SPATA1: variants seen among roughly 807,000 people sequenced by gnomAD.
SPATA1 encodes the protein spermatogenesis-associated protein 1.
Under a neutral mutation model 59.6 loss-of-function variants are expected in SPATA1, and 57 were observed. That is an observed-to-expected ratio of 0.96 (90% CI 0.77 to 1.19). The LOEUF is 1.19. SPATA1 is among the 50% of genes most tolerant of loss of function. SPATA1 has a pLI of 0.00. For missense variants in SPATA1, 448 were observed against 480.7 expected (o/e 0.93, Z 0.64); for synonymous variants, 147 against 163.9 (o/e 0.90, Z 0.79).
rs139518801 is a variant in SPATA1 at position 84,544,476 on chromosome 1, G to C, written c.820+172G>C. On this transcript the variant is annotated intron_variant, in intron 9 of 12. Coordinates refer to ENST00000490879, the Ensembl canonical transcript of SPATA1. ...AGTGTGAATGTTGTGCCACTGAACT[G>C]TACCATTTAAAAATATTTTAAATGG... Among the ~76,000 whole-genome samples, 30 of 152,208 alleles carry C rather than the reference G, an allele frequency of 2.0e-4. No homozygotes were observed. The East Asian group carries it at 3.3e-3, about 17-fold the overall frequency.
intron 11 of SPATA1, among the ~76,000 whole-genome samples, chr1:84,549,305 T>C (rs1324717922): frequency 6.6e-6 from 1 of 152,156 alleles, no homozygotes; most frequent in Non-Finnish European, 1.5e-5. Context: ...ATGGAATATA[T>C]AAATCTTTCC....
At chr1:84,564,562 A>G (rs1266317163) in intron 4 of SPATA1, among the ~76,000 whole-genome samples, 5 of 152,188 alleles carry the variant, frequency 3.3e-5, no homozygotes, top group Admixed American at 3.3e-4. Flanking sequence ...TATTTATGAT[A>G]CAAAGTATCC....
intron 10 of SPATA1, among the ~76,000 whole-genome samples, chr1:84,547,202 C>A (rs1162091769): frequency 6.6e-6 from 1 of 152,162 alleles, no homozygotes; most frequent in Non-Finnish European, 1.5e-5. Flanking sequence ...CAGATTTGAA[C>A]AATGGACTGA....
chr1:84,545,460 T>C (rs1055119558), intron 9 of SPATA1, among the ~76,000 whole-genome samples, 174 bp from the exon 10 acceptor site: 7 of 152,046 alleles, frequency 4.6e-5, no homozygotes, highest in Admixed American at 4.6e-4. Flanking sequence ...GAAACTGAAA[T>C]GACTCCTTTG....
chr1:84,538,325 T>C (rs1683781729), intron 8 of SPATA1, among the ~76,000 whole-genome samples: 2 of 152,240 alleles, frequency 1.3e-5, no homozygotes, highest in South Asian at 4.1e-4. Context: ...CAAATAGGAA[T>C]AGCAGTAGAC....
chr1:84,550,642 T>C (rs2102008276), intron 12 of SPATA1, 112 bp downstream of exon 12: 1 of 1,279,704 alleles, frequency 7.8e-7, no homozygotes, highest in Non-Finnish European at 9.9e-7. Context: ...ATTGACTGTA[T>C]TAAAATTGTT....
At chr1:84,507,416 A>G (rs938963150) in intron 1 of SPATA1, 2 of 152,232 alleles carry the variant, frequency 1.3e-5, no homozygotes, top group African/African-American at 2.4e-5. Context: ...CAGGGTTTGA[A>G]TTCTGGCTCT....
chr1:84,555,272 AAAG>A (rs372730923), downstream of SPATA1: 236 of 1,201,856 alleles, frequency 2.0e-4, 1 homozygote, highest in African/African-American at 3.1e-3. Flanking sequence ...GGGAAAAATA[AAAG>A]AAGTATACAG....
In SPATA1 at chr1:84,525,847, T is replaced by C. The variant is rs759538063; in HGVS notation, c.318T>C (p.Ala106=). The change falls in exon 6 of 13, where the codon GCT becomes GCC. Residue 106 remains alanine (A), a splice_region_variant and synonymous_variant. Transcript: ENST00000490879. ...TTAAAATTTCCTATATGTTTTAGGC[T>C]CTTCAACCAGAATTATATTTGCTTC... The C allele has an allele frequency of 4.3e-6, 7 of 1,610,336 alleles. No individual in the cohort carries two copies. In the South Asian group the frequency reaches 4.4e-5, roughly 10 times the overall value.
chr1:84,551,327 GAA>G, intron 12 of SPATA1: 1 of 935,216 alleles, frequency 1.1e-6, no homozygotes, highest in Non-Finnish European at 1.3e-6. Flanking sequence ...ATTTTAAAAA[GAA>G]AAAAGAAAAT....
rs371870794 is a variant in SPATA1 at position 84,528,576 on chromosome 1, TCA to T, written c.544+2508_544+2509del. Among the ~76,000 whole-genome samples the T allele has an allele frequency of 3.1e-4, 47 of 152,356 alleles. No individual in the cohort carries two copies. The South Asian group carries it at 9.5e-3, about 31-fold the overall frequency. On this transcript the variant is annotated intron_variant, in intron 6 of 12. Coordinates refer to ENST00000490879, the Ensembl canonical transcript of SPATA1. ...ATTGTTGTGCTATTCCATTTTATAC[TCA>T]CACAATTTATTTACATTACAATTTA... is the stretch of plus-strand genomic sequence containing the variant.
intron 8 of SPATA1, among the ~76,000 whole-genome samples, chr1:84,542,153 G>A (rs190963646): frequency 5.3e-5 from 8 of 152,114 alleles, no homozygotes; most frequent in African/African-American, 1.4e-4. Flanking sequence ...TAGTAGAGAC[G>A]GGGTTTCACC....
At chr1:84,522,124 G>A (rs112582021) in intron 3 of SPATA1, among the ~76,000 whole-genome samples, 3,925 of 152,248 alleles carry the variant, frequency 0.026, 82 homozygotes, top group Non-Finnish European at 0.043. Flanking sequence ...TTAGCAAAGA[G>A]ACAGTTGTTT....
At chr1:84,534,636 C>T (rs1203655778) in intron 8 of SPATA1, among the ~76,000 whole-genome samples, 2 of 152,076 alleles carry the variant, frequency 1.3e-5, no homozygotes, top group Non-Finnish European at 2.9e-5. Context: ...CTACTAATAA[C>T]ATAGCAAAAA....
intron 2 of SPATA1, among the ~76,000 whole-genome samples, chr1:84,517,594 A>G (rs1367986333): frequency 6.6e-6 from 1 of 151,966 alleles, no homozygotes; most frequent in African/African-American, 2.4e-5. Flanking sequence ...TGTCAAATCT[A>G]TCCTTTAAGT....
At chr1:84,560,545 T>C (rs189098514) in intron 4 of SPATA1, among the ~76,000 whole-genome samples, 2 of 152,372 alleles carry the variant, frequency 1.3e-5, no homozygotes, top group East Asian at 3.9e-4. Flanking sequence ...GGTAAAATTA[T>C]GATCAAACAC....
In SPATA1 at chr1:84,519,844, G is replaced by A. The variant is rs138290826; in HGVS notation, c.37-741G>A. Among the ~76,000 whole-genome samples, 391 of 152,126 alleles carry A rather than the reference G, an allele frequency of 2.6e-3. 1 individual carries two copies. Among genetic ancestry groups the A allele is most frequent in the Non-Finnish European group, 4.5e-3 (306 of 67,964 alleles). On this transcript the variant is annotated intron_variant, in intron 2 of 12. Coordinates refer to ENST00000490879, the Ensembl canonical transcript of SPATA1. ...TTCTCAGATATTTAATATTGCATTC[G>A]AGAATATTCATTTAAATGCTTTGAC...
intron 8 of SPATA1, among the ~76,000 whole-genome samples, chr1:84,541,925 G>A (rs1239753736): frequency 4.6e-5 from 7 of 151,634 alleles, no homozygotes; most frequent in Non-Finnish European, 1.0e-4. Context: ...GTGAAATGCA[G>A]GTTTTTGAGT....
rs199532555 is a variant in SPATA1 at position 84,522,428 on chromosome 1, G to A, written c.182G>A (p.Arg61His). The A allele has an allele frequency of 8.6e-5, 131 of 1,521,898 alleles. 1 individual carries two copies. The highest frequency in any genetic ancestry group is 1.8e-4 in the African/African-American group (13 of 71,608). 94.3% of individuals were successfully genotyped at this position (1,521,898 alleles called of 1,614,324 possible). A position where few individuals can be genotyped will look rare whatever the true frequency, so the allele number is the denominator to read the frequency against. ...CTTACTTTACGAGCCCTGAGGGAGCGTCTTGGTGAGTTCCTGGGTGAAGAT... is the reference window on the plus strand; with the variant it reads ...CTTACTTTACGAGCCCTGAGGGAGCATCTTGGTGAGTTCCTGGGTGAAGAT... Residue 61 changes from arginine (R) to histidine (H), a missense_variant, in exon 4 of 13, where the codon CGT becomes CAT. Physicochemically the swap from Arg to His is conservative, Grantham distance 29 (BLOSUM62 0). Transcript: ENST00000490879.
Sources: gnomAD v4.1 joint callset for allele counts (sites outside exome capture counted in the v4.1 genomes callset) on GRCh38, gnomAD v4.1.1 for gene constraint, MANE v1.5 for transcripts, NCBI Gene and HGNC (gene_info 2026-07-23, HGNC 2026-07-21) for gene names.